Variants in UNC13C observed in about 807,000 individuals in gnomAD.
UNC13C encodes unc-13 homolog C, also known as protein unc-13 homolog C.
In UNC13C, 174 loss-of-function variants were observed where a neutral mutation model predicts 245.4. The observed-to-expected ratio is 0.71, with a 90% confidence interval of 0.63 to 0.80. UNC13C has a LOEUF of 0.80. UNC13C is among the 30% of genes least tolerant of loss of function. The pLI is 0.00. For missense variants in UNC13C, 2,829 were observed against 2,602.9 expected (o/e 1.09, Z -1.89); for synonymous variants, 992 against 895.1 (o/e 1.11, Z -1.93).
the UNC13C span, among the ~76,000 whole-genome samples, chr15:53,923,184 G>C: frequency 5.3e-5 from 8 of 152,176 alleles, no homozygotes; most frequent in Admixed American, 5.2e-4. Flanking sequence ...CTGCAAAGCT[G>C]TCCCATTCAC....
intron 16 of UNC13C, among the ~76,000 whole-genome samples, chr15:54,335,960 G>A (rs927198711): frequency 6.6e-6 from 1 of 151,996 alleles, no homozygotes; most frequent in Non-Finnish European, 1.5e-5. Context: ...ATGTATGTAT[G>A]TATATATTTC....
intron 31 of UNC13C, 99 bp downstream of exon 31, chr15:54,622,518 C>T (rs2681964): frequency 0.71 from 630,637 of 888,168 alleles, 227,268 homozygotes; most frequent in African/African-American, 0.94. Context: ...AAAAACTGCA[C>T]AATTATTTTA....
chr15:54,352,300 ATAAT>A (rs1405669964), intron 17 of UNC13C, among the ~76,000 whole-genome samples: 3 of 145,618 alleles, frequency 2.1e-5, no homozygotes, highest in East Asian at 2.1e-4. Flanking sequence ...TTATATTTAT[ATAAT>A]TAATATATAT....
rs1396371574 is a variant in UNC13C, at chr15:54,350,581, G to A, written c.4713+12092G>A. On this transcript the variant is annotated intron_variant, in intron 17 of 32. Transcript: ENST00000260323. ...GTCTGCAGTAAAATATGCTATATTTGTGGTATCTCTGGAGTCAATTACCTA... is the reference window on the plus strand; with the variant it reads ...GTCTGCAGTAAAATATGCTATATTTATGGTATCTCTGGAGTCAATTACCTA... 2.0e-5 allele frequency among the ~76,000 whole-genome samples: 3 copies of A among 152,150 alleles called. No individual in the cohort carries two copies. In the East Asian group the frequency reaches 5.8e-4, roughly 29 times the overall value.
intron 18 of UNC13C, among the ~76,000 whole-genome samples, chr15:54,406,661 G>A (rs1049250512): frequency 3.9e-5 from 6 of 152,172 alleles, no homozygotes; most frequent in Non-Finnish European, 8.8e-5. Context: ...TAAACCTTGT[G>A]TCACGAGTAC....
chr15:54,297,254 A>G (rs1402016460), intron 11 of UNC13C, among the ~76,000 whole-genome samples: 3 of 152,134 alleles, frequency 2.0e-5, no homozygotes. Context: ...GGGTCTTCTG[A>G]TTAGTTTTTT....
intron 26 of UNC13C, among the ~76,000 whole-genome samples, chr15:54,546,490 T>A (rs1475218805): frequency 6.6e-6 from 1 of 152,086 alleles, no homozygotes; most frequent in Non-Finnish European, 1.5e-5. Context: ...TATTTATCTT[T>A]CCAAAGCCTG....
chr15:53,861,376 T>G, the UNC13C span, among the ~76,000 whole-genome samples: 1 of 152,210 alleles, frequency 6.6e-6, no homozygotes, highest in African/African-American at 2.4e-5. Context: ...AAGATAATGG[T>G]ATTAAATAGC....
chr15:53,905,361 T>G, the UNC13C span, among the ~76,000 whole-genome samples: 7 of 150,400 alleles, frequency 4.7e-5, no homozygotes, highest in Non-Finnish European at 8.9e-5. Flanking sequence ...TATATATATA[T>G]TACATCATAT....
At chr15:53,903,833 G>A in the UNC13C span, among the ~76,000 whole-genome samples, 1 of 4,426 alleles carries the variant, frequency 2.3e-4, no homozygotes, top group East Asian at 0.071. Flanking sequence ...AAAAATTTCT[G>A]ACAGCTACAT....
chr15:54,125,672 T>G (rs954008280), intron 2 of UNC13C, among the ~76,000 whole-genome samples: 7 of 152,144 alleles, frequency 4.6e-5, no homozygotes, highest in African/African-American at 1.7e-4. Flanking sequence ...AATATTTGTG[T>G]ATTTGTTTAT....
chr15:54,515,879 G>T (rs186624323), intron 24 of UNC13C, among the ~76,000 whole-genome samples: 3 of 152,286 alleles, frequency 2.0e-5, no homozygotes, highest in African/African-American at 7.2e-5. Flanking sequence ...TGACTCTTCT[G>T]TGTCATACCA....
intron 17 of UNC13C, among the ~76,000 whole-genome samples, chr15:54,340,974 C>T (rs1475982437): frequency 6.6e-6 from 1 of 151,984 alleles, no homozygotes; most frequent in East Asian, 1.9e-4. Flanking sequence ...GGTAAGGCTG[C>T]AGAAAAAAGG....
At chr15:54,341,505 C>T (rs984578596) in intron 17 of UNC13C, among the ~76,000 whole-genome samples, 17 of 152,046 alleles carry the variant, frequency 1.1e-4, no homozygotes, top group Admixed American at 6.6e-4. Context: ...ATCAGTCGTA[C>T]GCAAACCTCA....
chr15:54,373,370 G>C (rs1175087501), intron 17 of UNC13C, among the ~76,000 whole-genome samples: 1 of 152,134 alleles, frequency 6.6e-6, no homozygotes, highest in East Asian at 1.9e-4. Flanking sequence ...GGCCATGCTT[G>C]GCTTGTGCTA....
chr15:54,169,551 A>C (rs116789992), intron 4 of UNC13C, among the ~76,000 whole-genome samples: 231 of 152,226 alleles, frequency 1.5e-3, no homozygotes, highest in African/African-American at 5.3e-3. Flanking sequence ...AATTCAATGT[A>C]TTTAACATGA....
At chr15:54,269,391 C>A (rs74013585) in intron 10 of UNC13C, among the ~76,000 whole-genome samples, 3,822 of 151,580 alleles carry the variant, frequency 0.025, 157 homozygotes, top group African/African-American at 0.088. Context: ...ATTGATAAGC[C>A]AAAAACAAAA....
the UNC13C span, chr15:53,914,437 C>T: frequency 0.017 from 2,621 of 152,226 alleles, 115 homozygotes; most frequent in East Asian, 0.15. Context: ...ACATGGCGGG[C>T]GTGCTGGCGT....
At chr15:54,474,325 T>C (rs1892612757) in intron 19 of UNC13C, among the ~76,000 whole-genome samples, 1 of 152,036 alleles carries the variant, frequency 6.6e-6, no homozygotes, top group African/African-American at 2.4e-5. Flanking sequence ...CTCTGCGTCC[T>C]CACCAGCATC....
Sources: allele counts gnomAD v4.1 joint callset (sites outside exome capture counted in the v4.1 genomes callset), GRCh38; gene constraint gnomAD v4.1.1; transcripts MANE v1.5; gene names NCBI Gene and HGNC (gene_info 2026-07-23, HGNC 2026-07-21).